Variants in GPC1 observed in about 807,000 individuals in gnomAD.
GPC1 encodes glypican-1.
A neutral mutation model predicts 51.5 loss-of-function variants in GPC1; 26 were observed. That is an observed-to-expected ratio of 0.50 (90% CI 0.37 to 0.70). The LOEUF is 0.70. Among genes scored for constraint, GPC1 ranks in the 30% least tolerant of loss-of-function variants. The probability of loss-of-function intolerance (pLI) is 0.00; values close to 1 mark genes in which losing one functional copy is unlikely to be tolerated. For missense variants in GPC1, 775 were observed against 800.5 expected (o/e 0.97, Z 0.38); for synonymous variants, 380 against 348.3 (o/e 1.09, Z -1.01).
chr2:240,449,750 A>T, intron 1 of GPC1: 1 of 440,580 alleles, frequency 2.3e-6, no homozygotes, highest in South Asian at 1.6e-5. Context: ...CCATCCTTTC[A>T]GTCTCTATGA....
chr2:240,437,399 C>A (rs964894840), intron 1 of GPC1, among the ~76,000 whole-genome samples: 2 of 151,954 alleles, frequency 1.3e-5, no homozygotes, highest in Non-Finnish European at 2.9e-5. Context: ...GACCGCCCCC[C>A]ACAGAAGGAA....
chr2:240,453,533 C>T (rs1419075952), intron 1 of GPC1, among the ~76,000 whole-genome samples: 1 of 139,444 alleles, frequency 7.2e-6, no homozygotes, highest in Non-Finnish European at 1.6e-5. Context: ...CGTCGCAGCC[C>T]TTCGAGCCCC....
At chr2:240,457,909 G>A (rs13430967) in intron 1 of GPC1, 65 of 309,744 alleles carry the variant, frequency 2.1e-4, no homozygotes, top group South Asian at 1.5e-3. Flanking sequence ...TGCTGACAAC[G>A]CCCCCCCTTG....
chr2:240,455,049 TAGTG>T (rs1161130645), intron 1 of GPC1: 1 of 182,476 alleles, frequency 5.5e-6, no homozygotes, highest in Non-Finnish European at 1.3e-5. Context: ...GGTGGGGGCT[TAGTG>T]AGGAGCAGCA....
chr2:240,440,957 C>T (rs1301464029), intron 1 of GPC1, among the ~76,000 whole-genome samples: 1 of 152,280 alleles, frequency 6.6e-6, no homozygotes, highest in East Asian at 1.9e-4. Context: ...ATGTCCCCAA[C>T]AGGGCAGACC....
chr2:240,444,397 C>A (rs774173560), intron 1 of GPC1, among the ~76,000 whole-genome samples: 1 of 152,204 alleles, frequency 6.6e-6, no homozygotes, highest in African/African-American at 2.4e-5. Context: ...CCGCCCAGGA[C>A]CCTGCGGCAC....
intron 1 of GPC1, chr2:240,450,176 A>G: frequency 3.0e-6 from 1 of 335,358 alleles, no homozygotes; most frequent in Non-Finnish European, 5.8e-6. Flanking sequence ...AGGGCTGGGC[A>G]GAAGCTCCAG....
At chr2:240,438,228 G>A (rs1358794296) in intron 1 of GPC1, among the ~76,000 whole-genome samples, 2 of 152,182 alleles carry the variant, frequency 1.3e-5, no homozygotes, top group Non-Finnish European at 2.9e-5. Context: ...TCCAGTCGGT[G>A]CCCCTCCGAC....
At chr2:240,458,860 C>G (rs984307427) in intron 1 of GPC1, 170 bp from the exon 2 acceptor site, 14 of 602,600 alleles carry the variant, frequency 2.3e-5, no homozygotes, top group African/African-American at 2.2e-4. Flanking sequence ...CTTTTCCTCC[C>G]TCCACACCCC....
chr2:240,444,317 C>T (rs10933603), intron 1 of GPC1, among the ~76,000 whole-genome samples: 84,182 of 152,080 alleles, frequency 0.55, 24,052 homozygotes, highest in Non-Finnish European at 0.62. Flanking sequence ...TAGGCTTCTG[C>T]TCTCGCCCCA....
In GPC1 at chr2:240,466,293, G is replaced by GC; in HGVS notation, c.*7dup. On this transcript the variant is annotated 3_prime_UTR_variant, in exon 9 of 9. Coordinates refer to ENST00000264039, the MANE Select transcript of GPC1 (RefSeq NM_002081.3). Reference sequence around the variant, plus strand: ...TAGCCAGGCCCCGGTGGCGGTAACTGCCCCAAGGCCCCAGGGACAGAGGCC... The same window carrying GC: ...TAGCCAGGCCCCGGTGGCGGTAACTGCCCCCAAGGCCCCAGGGACAGAGGCC... 1 of 1,477,074 alleles carries GC rather than the reference G, an allele frequency of 6.8e-7. No homozygotes were observed. The highest frequency in any genetic ancestry group is 1.1e-5 in the South Asian group (1 of 88,428). 91.5% of individuals were successfully genotyped at this position (1,477,074 alleles called of 1,614,324 possible).
intron 1 of GPC1, among the ~76,000 whole-genome samples, chr2:240,438,243 A>G (rs4553824): frequency 0.27 from 41,521 of 152,056 alleles, 7,206 homozygotes; most frequent in African/African-American, 0.49. Context: ...TCCGACAGGA[A>G]CCTCTCTCCC....
rs148914700 is a variant in GPC1 at position 240,464,255 on chromosome 2, G to A, written c.884-361G>A. The A allele has an allele frequency of 4.4e-4, 139 of 313,728 alleles. 2 individuals are homozygous for A. Among genetic ancestry groups the A allele is most frequent in the African/African-American group, 2.8e-3 (130 of 47,224 alleles). The allele number at this position is 313,728 out of a possible 1,614,324, so 19.4% of individuals were successfully genotyped here. Reference sequence around the variant, plus strand: ...AGCATGCATACACACCAGCTCACACGGGCTCATGTGCACACAAGCTGGACC... The same window carrying A: ...AGCATGCATACACACCAGCTCACACAGGCTCATGTGCACACAAGCTGGACC... On this transcript the variant is annotated intron_variant, in intron 4 of 8. Transcript: ENST00000264039.
At chr2:240,450,779 C>T (rs950783417) in intron 1 of GPC1, 1 of 470,330 alleles carries the variant, frequency 2.1e-6, no homozygotes, top group African/African-American at 2.0e-5. Context: ...AGACGTGTGC[C>T]TTTATTCAGT....
chr2:240,450,412 C>T (rs990289271), intron 1 of GPC1: 9 of 354,544 alleles, frequency 2.5e-5, no homozygotes, highest in Middle Eastern at 4.3e-4. Flanking sequence ...GGCTGTTCCT[C>T]GTGCTGGGCC....
chr2:240,456,502 C>G, intron 1 of GPC1: 1 of 431,498 alleles, frequency 2.3e-6, no homozygotes, highest in Non-Finnish European at 4.9e-6. Context: ...CTGAGCCCAT[C>G]TCAGCTGAGC....
intron 1 of GPC1, among the ~76,000 whole-genome samples, chr2:240,441,340 G>A (rs926095663): frequency 2.0e-5 from 3 of 152,256 alleles, no homozygotes; most frequent in Admixed American, 6.5e-5. Flanking sequence ...GGGCTCACCC[G>A]AAGCCACACT....
At chr2:240,446,830 C>T (rs529219872) in intron 1 of GPC1, among the ~76,000 whole-genome samples, 1 of 152,168 alleles carries the variant, frequency 6.6e-6, no homozygotes, top group Non-Finnish European at 1.5e-5. Context: ...CCACATCATT[C>T]GGCCCGCAGA....
chr2:240,462,172 G>A lies in GPC1; in HGVS notation c.326-19G>A, dbSNP rs372527232. ...GCGGGGGAAACATGGTCCCGATCAC[G>A]CCCCCTCCCTGTGCGCAGACCACTT... On this transcript the variant is annotated intron_variant, in intron 2 of 8. Coordinates refer to ENST00000264039, the MANE Select transcript of GPC1 (RefSeq NM_002081.3). 14 of 1,549,024 alleles carry A rather than the reference G, an allele frequency of 9.0e-6. No homozygotes were observed. Among genetic ancestry groups the A allele is most frequent in the South Asian group, 1.2e-5 (1 of 82,238 alleles).
Sources: allele counts gnomAD v4.1 joint callset (sites outside exome capture counted in the v4.1 genomes callset), GRCh38; gene constraint gnomAD v4.1.1; transcripts MANE v1.5; gene names NCBI Gene and HGNC (gene_info 2026-07-23, HGNC 2026-07-21).